Variants in ROBO1 observed in about 807,000 individuals in gnomAD.
The protein encoded by ROBO1 is roundabout homolog 1.
Under a neutral mutation model 195.9 loss-of-function variants are expected in ROBO1, and 149 were observed. That is an observed-to-expected ratio of 0.76 (90% CI 0.67 to 0.87). The LOEUF is 0.87. Among genes scored for constraint, ROBO1 ranks in the 40% least tolerant of loss-of-function variants. The pLI, the probability that ROBO1 is intolerant of heterozygous loss-of-function variation, is 0.00. For missense variants in ROBO1, 1,933 were observed against 2,068.3 expected, an observed-to-expected ratio of 0.93 and a Z score of 1.27; for synonymous variants, 816 against 733.2, an observed-to-expected ratio of 1.11 and a Z score of -1.82.
At chr3:79,329,838 A>T (rs1016697681) in intron 2 of ROBO1, among the ~76,000 whole-genome samples, 14 of 152,160 alleles carry the variant, frequency 9.2e-5, no homozygotes, top group African/African-American at 3.4e-4. Context: ...AACCTTGTGG[A>T]GGTAGTACAA....
intron 2 of ROBO1, among the ~76,000 whole-genome samples, chr3:79,477,069 A>G (rs1302250873): frequency 6.6e-6 from 1 of 152,114 alleles, no homozygotes; most frequent in African/African-American, 2.4e-5. Flanking sequence ...TGAAACATCT[A>G]CAGCAACTGT....
intron 3 of ROBO1, among the ~76,000 whole-genome samples, chr3:79,084,428 G>A (rs2079330781): frequency 6.6e-6 from 1 of 152,134 alleles, no homozygotes; most frequent in Admixed American, 6.5e-5. Flanking sequence ...AACCCAGGAG[G>A]CAGAGGTTGC....
chr3:78,926,107 G>T (rs1560007919), intron 4 of ROBO1, among the ~76,000 whole-genome samples: 1 of 151,998 alleles, frequency 6.6e-6, no homozygotes, highest in African/African-American at 2.4e-5. Context: ...CTGACCTCAT[G>T]ATCCACCCGC....
intron 2 of ROBO1, among the ~76,000 whole-genome samples, chr3:79,501,761 C>A (rs553708101): frequency 1.7e-4 from 26 of 152,218 alleles, no homozygotes; most frequent in Non-Finnish European, 3.2e-4. Context: ...TTTAAAAAAA[C>A]AAATCTATGT....
intron 1 of ROBO1, among the ~76,000 whole-genome samples, chr3:79,743,263 A>G (rs1205681875): frequency 6.6e-6 from 1 of 152,232 alleles, no homozygotes; most frequent in Non-Finnish European, 1.5e-5. Context: ...GCAAACCTGT[A>G]CAAAAGGTTA....
intron 10 of ROBO1, among the ~76,000 whole-genome samples, chr3:78,674,530 A>G (rs3773225): frequency 0.25 from 38,605 of 152,122 alleles, 5,073 homozygotes; most frequent in African/African-American, 0.32. Context: ...AAAACTTAAA[A>G]AACAGTGCCA....
At chr3:79,629,518 T>G (rs952256466) in intron 1 of ROBO1, among the ~76,000 whole-genome samples, 1 of 151,958 alleles carries the variant, frequency 6.6e-6, no homozygotes, top group African/African-American at 2.4e-5. Context: ...GTTTATAGCA[T>G]TAAATGCCTA....
chr3:79,559,014 TA>T (rs1942812247), intron 2 of ROBO1, among the ~76,000 whole-genome samples: 1 of 152,158 alleles, frequency 6.6e-6, no homozygotes, highest in Non-Finnish European at 1.5e-5. Context: ...CCTAACGTAG[TA>T]TGTAAACAAG....
rs376749963 is a variant in ROBO1, at chr3:79,762,249, G to C, written c.-51+5503C>G. Among the ~76,000 whole-genome samples, 30 of 152,120 alleles carry C rather than the reference G, an allele frequency of 2.0e-4. 1 individual carries two copies. The highest frequency in any genetic ancestry group is 6.3e-4 in the African/African-American group (26 of 41,504). ...ACAGCCATCTTCTTATGTTTAGTCG[G>C]GGGGGAAGGGGCAAGAGAGCTTACT... On this transcript the variant is annotated intron_variant, in intron 1 of 30. Transcript: ENST00000464233.
intron 2 of ROBO1, among the ~76,000 whole-genome samples, chr3:79,565,961 C>G (rs1046749558): frequency 1.3e-5 from 2 of 152,038 alleles, no homozygotes; most frequent in Admixed American, 1.3e-4. Context: ...CGGTTCCCTT[C>G]CTGGTGGAAC....
At chr3:79,087,810 C>T (rs1344990841) in intron 3 of ROBO1, among the ~76,000 whole-genome samples, 1 of 151,970 alleles carries the variant, frequency 6.6e-6, no homozygotes, top group Non-Finnish European at 1.5e-5. Context: ...CTTGAGTAGC[C>T]TAACTCATGT....
intron 3 of ROBO1, among the ~76,000 whole-genome samples, chr3:79,080,722 C>G (rs992133732): frequency 3.3e-5 from 5 of 152,122 alleles, no homozygotes; most frequent in East Asian, 3.9e-4. Context: ...ATTCATGCAG[C>G]CTTCATGTTT....
chr3:79,523,536 A>G (rs915875610), intron 2 of ROBO1, among the ~76,000 whole-genome samples: 3 of 140,546 alleles, frequency 2.1e-5, no homozygotes, highest in Admixed American at 1.6e-4. Context: ...GCAGTGGCAC[A>G]CTCTCAGCTT....
intron 1 of ROBO1, among the ~76,000 whole-genome samples, chr3:79,717,208 C>T (rs1560127306): frequency 6.6e-6 from 1 of 150,572 alleles, no homozygotes; most frequent in Non-Finnish European, 1.5e-5. Context: ...CTCAATAAAG[C>T]TTTTGTTTTT....
At chr3:78,704,728 G>A (rs1445669166) in intron 8 of ROBO1, among the ~76,000 whole-genome samples, 1 of 150,946 alleles carries the variant, frequency 6.6e-6, no homozygotes, top group East Asian at 2.0e-4. Context: ...CTTCTGTAGA[G>A]CTACTTGGGA....
At chr3:78,717,681 T>C (rs2081936177) in intron 6 of ROBO1, 82 bp downstream of exon 6, 1 of 1,471,074 alleles carries the variant, frequency 6.8e-7, no homozygotes, top group Admixed American at 2.5e-5. Flanking sequence ...GGCTTAACAA[T>C]TTTTCTTTCC....
At chr3:78,902,668 C>A (rs1427431358) in intron 4 of ROBO1, among the ~76,000 whole-genome samples, 1 of 151,960 alleles carries the variant, frequency 6.6e-6, no homozygotes, top group African/African-American at 2.4e-5. Flanking sequence ...CATGATGAAA[C>A]CCCATCTCTA....
At chr3:79,557,053 C>G (rs1304238741) in intron 2 of ROBO1, among the ~76,000 whole-genome samples, 1 of 147,986 alleles carries the variant, frequency 6.8e-6, no homozygotes, top group Non-Finnish European at 1.5e-5. Flanking sequence ...CAGACTATGA[C>G]TTTTAATTCA....
At chr3:79,168,850 T>C (rs555501052) in intron 2 of ROBO1, among the ~76,000 whole-genome samples, 10 of 152,234 alleles carry the variant, frequency 6.6e-5, no homozygotes, top group Admixed American at 5.9e-4. Flanking sequence ...AAATAATTAA[T>C]TATAGATGTT....
Sources: allele counts gnomAD v4.1 joint callset (sites outside exome capture counted in the v4.1 genomes callset), GRCh38; gene constraint gnomAD v4.1.1; transcripts MANE v1.5; gene names NCBI Gene and HGNC (gene_info 2026-07-23, HGNC 2026-07-21).